AHRR: variants seen among roughly 807,000 people sequenced by gnomAD.
AHRR encodes ahR repressor.
AHRR carries 28 observed loss-of-function variants against 44.0 expected under a neutral mutation model. The observed-to-expected ratio is 0.64, with a 90% confidence interval of 0.47 to 0.87. The LOEUF (loss-of-function observed/expected upper bound fraction) is 0.87. Ranked by LOEUF, AHRR falls within the 40% of genes least tolerant of loss-of-function variation. The probability of loss-of-function intolerance (pLI) is 0.00; values close to 1 mark genes in which losing one functional copy is unlikely to be tolerated. For synonymous variants in AHRR, 434 were observed against 407.0 expected, an observed-to-expected ratio of 1.07 and a Z score of -0.80; for missense variants, 990 against 953.9, an observed-to-expected ratio of 1.04 and a Z score of -0.50.
rs1302507412 is a variant in AHRR at position 370,877 on chromosome 5, G to A, written c.245-5733G>A. Among the ~76,000 whole-genome samples the A allele has an allele frequency of 2.0e-5, 3 of 152,204 alleles. No homozygotes were observed. The highest frequency in any genetic ancestry group is 1.3e-4 in the Admixed American group (2 of 15,290). On this transcript the variant is annotated intron_variant, in intron 3 of 10. Transcript: ENST00000684583. This position sits in a 1 kb window ranked among gnomAD's most constrained non-coding sequence, Gnocchi z 4.5. Reference sequence around the variant, plus strand: ...TGGAGGCACCCAGAGCACAGAGGCTGGGCCTGGTGTGGAGCTCTCGGCCGA... The same window carrying A: ...TGGAGGCACCCAGAGCACAGAGGCTAGGCCTGGTGTGGAGCTCTCGGCCGA...
intron 3 of AHRR, among the ~76,000 whole-genome samples, chr5:374,307 G>A (rs1442363269): frequency 6.6e-6 from 1 of 152,230 alleles, no homozygotes; most frequent in Non-Finnish European, 1.5e-5. Flanking sequence ...GGGACACCCG[G>A]GGCGCCTCTT....
At chr5:428,248 T>C (rs1736561698) in intron 8 of AHRR, among the ~76,000 whole-genome samples, 1 of 152,260 alleles carries the variant, frequency 6.6e-6, no homozygotes, top group Non-Finnish European at 1.5e-5. Flanking sequence ...TAAATCATCC[T>C]GTTACAGAAC....
At chr5:360,808 A>C (rs1743152909) in intron 3 of AHRR, among the ~76,000 whole-genome samples, 1 of 152,216 alleles carries the variant, frequency 6.6e-6, no homozygotes, top group Non-Finnish European at 1.5e-5. Context: ...TTTGCTGGTG[A>C]GATTTCTAAG....
At chr5:398,865 C>T (rs1734885789) in intron 4 of AHRR, among the ~76,000 whole-genome samples, 1 of 152,156 alleles carries the variant, frequency 6.6e-6, no homozygotes, top group East Asian at 1.9e-4. Flanking sequence ...CCAGCAGCCG[C>T]CCCCGTCTGT....
chr5:434,617 C>T lies in AHRR; in HGVS notation c.1877C>T (p.Pro626Leu), dbSNP rs1270987012. Residue 626 changes from proline (P) to leucine (L), a missense_variant, in exon 11 of 11, where the codon CCC becomes CTC. Coordinates refer to ENST00000684583, the MANE Select transcript of AHRR (RefSeq NM_001377236.1). Reference protein sequence around the residue: ...CACLEPTDGLPQSEPPHQLCA... With the variant: ...CACLEPTDGLLQSEPPHQLCA... ...TGCCTGGAGCCCACAGACGGCCTTC[C>T]CCAGTCGGAGCCTCCCCACCAGCTC... 1.3e-6 allele frequency: 2 copies of T among 1,563,012 alleles called. No individual in the cohort carries two copies. Among genetic ancestry groups the T allele is most frequent in the Non-Finnish European group, 1.7e-6 (2 of 1,153,856 alleles).
In AHRR at chr5:427,699, C is replaced by T; in HGVS notation, c.709-108C>T. 7 of 1,613,670 alleles carry T rather than the reference C, an allele frequency of 4.3e-6. No homozygotes were observed. In the Admixed American group the frequency reaches 5.0e-5, roughly 12 times the overall value. On this transcript the variant is annotated intron_variant, in intron 7 of 10. Coordinates refer to ENST00000684583, the MANE Select transcript of AHRR (RefSeq NM_001377236.1). ...GTCCCGAGCCACTCATGGTGAGCTG[C>T]CTCCCTACGAATTCCAGCCGCTGTC...
intron 3 of AHRR, among the ~76,000 whole-genome samples, chr5:374,905 C>T (rs1293199400): frequency 6.6e-6 from 1 of 152,230 alleles, no homozygotes. Context: ...GTTAACCCAG[C>T]GTCCGGACCC....
chr5:409,810 C>T (rs558813050), intron 4 of AHRR, among the ~76,000 whole-genome samples: 5 of 152,036 alleles, frequency 3.3e-5, no homozygotes, highest in South Asian at 2.1e-4. Context: ...TTTTTCTTTA[C>T]GGGTTAGTGT....
rs368712454 is a variant in AHRR at position 337,798 on chromosome 5, G to A, written c.-10-6095G>A. Reference sequence around the variant, plus strand: ...CCTCATTGGAGGAGGTGTAGGTTCCGTCCCCTGGAGGGCAGAGAAGTTTGC... The same window carrying A: ...CCTCATTGGAGGAGGTGTAGGTTCCATCCCCTGGAGGGCAGAGAAGTTTGC... On this transcript the variant is annotated intron_variant, in intron 1 of 10. Coordinates refer to ENST00000684583, the MANE Select transcript of AHRR (RefSeq NM_001377236.1). This position sits in a 1 kb window ranked among gnomAD's most constrained non-coding sequence, Gnocchi z 4.1. Among the ~76,000 whole-genome samples, 7 of 152,118 alleles carry A rather than the reference G, an allele frequency of 4.6e-5. No individual in the cohort carries two copies. The highest frequency in any genetic ancestry group is 1.9e-4 in the East Asian group (1 of 5,178).
chr5:325,301 A>G (rs1346806631), intron 1 of AHRR, among the ~76,000 whole-genome samples: 1 of 151,982 alleles, frequency 6.6e-6, no homozygotes, highest in Admixed American at 6.6e-5. Flanking sequence ...AGGTCACCCT[A>G]TCCCCTTTAC....
intron 4 of AHRR, among the ~76,000 whole-genome samples, chr5:390,507 G>A (rs1488751660): frequency 7.9e-5 from 12 of 152,184 alleles, no homozygotes; most frequent in Admixed American, 7.9e-4. Context: ...AAGCCCTAAC[G>A]ATCCCGGAGA....
intron 8 of AHRR, among the ~76,000 whole-genome samples, chr5:428,639 G>A (rs67665078): frequency 0.37 from 56,601 of 152,170 alleles, 12,157 homozygotes; most frequent in Non-Finnish European, 0.49. Context: ...AGCACATTAC[G>A]TTTACTCACT....
At chr5:423,600 C>T (rs953121909) in intron 6 of AHRR, among the ~76,000 whole-genome samples, 1 of 152,230 alleles carries the variant, frequency 6.6e-6, no homozygotes, top group Non-Finnish European at 1.5e-5. Flanking sequence ...TAAAAACAAG[C>T]AAGATGAAAC....
chr5:392,369 C>T (rs1417753095), intron 4 of AHRR, among the ~76,000 whole-genome samples: 7 of 118,628 alleles, frequency 5.9e-5, no homozygotes, highest in Non-Finnish European at 1.3e-4. Flanking sequence ...AGAGCGTGCA[C>T]GGGCGCAGGG....
intron 1 of AHRR, among the ~76,000 whole-genome samples, chr5:331,613 G>A (rs183106655): frequency 6.6e-6 from 1 of 152,110 alleles, no homozygotes; most frequent in Non-Finnish European, 1.5e-5. Context: ...ATAAACCAGG[G>A]GTCCTCAACC....
chr5:421,055 C>G (rs921856639), intron 5 of AHRR: 3 of 524,554 alleles, frequency 5.7e-6, no homozygotes, highest in Non-Finnish European at 1.0e-5. Context: ...GCCTATCCAC[C>G]GCAGCGACTA....
At chr5:336,783 T>C (rs1358139836) in intron 1 of AHRR, among the ~76,000 whole-genome samples, 1 of 152,256 alleles carries the variant, frequency 6.6e-6, no homozygotes, top group Non-Finnish European at 1.5e-5. Context: ...CGGAGTGTTA[T>C]ATTTTTAGCT....
intron 9 of AHRR, 118 bp from the exon 10 acceptor site, chr5:432,688 C>T: frequency 6.4e-7 from 1 of 1,559,176 alleles, no homozygotes; most frequent in Non-Finnish European, 8.8e-7. Context: ...TTCCTGGGCT[C>T]TGGTCTGTGC....
chr5:343,791 G>T, intron 1 of AHRR, 102 bp from the exon 2 acceptor site: 3 of 1,232,532 alleles, frequency 2.4e-6, no homozygotes, highest in African/African-American at 1.6e-5. Flanking sequence ...CGGGGTCGCG[G>T]GTGTGGGGGC....
Sources: gnomAD v4.1 joint callset for allele counts (sites outside exome capture counted in the v4.1 genomes callset) on GRCh38, gnomAD v4.1.1 for gene constraint, Gnocchi (gnomAD v3.1) non-coding constraint, MANE v1.5 for transcripts, NCBI Gene and HGNC (gene_info 2026-07-23, HGNC 2026-07-21) for gene names.